The following MAPKAP1 variants were observed in gnomAD, a reference collection of about 807,000 sequenced individuals.
MAPKAP1 encodes target of rapamycin complex 2 subunit MAPKAP1.
MAPKAP1 carries 20 observed loss-of-function variants against 65.7 expected under a neutral mutation model. The observed-to-expected ratio is 0.30, with a 90% confidence interval of 0.21 to 0.44. The LOEUF (loss-of-function observed/expected upper bound fraction) is 0.44, where lower values mean the gene tolerates loss of function less well. Among genes scored for constraint, MAPKAP1 ranks in the 20% least tolerant of loss-of-function variants. MAPKAP1 has a pLI of 1.00. For missense variants in MAPKAP1, 423 were observed against 648.0 expected (o/e 0.65, Z 3.77); for synonymous variants, 222 against 244.3 (o/e 0.91, Z 0.85).
At chr9:125,692,697 G>A (rs1453806759) in intron 1 of MAPKAP1, among the ~76,000 whole-genome samples, 2 of 152,030 alleles carry the variant, frequency 1.3e-5, no homozygotes, top group African/African-American at 4.8e-5. Context: ...AACACAGGAA[G>A]GCTAGAATCC....
chr9:125,638,658 C>T (rs1305735430), intron 4 of MAPKAP1, among the ~76,000 whole-genome samples: 1 of 152,216 alleles, frequency 6.6e-6, no homozygotes, highest in Non-Finnish European at 1.5e-5. Flanking sequence ...AATTTGCTTA[C>T]TCTCACTCAT....
chr9:125,592,037 T>TTA (rs1831981838), intron 4 of MAPKAP1, among the ~76,000 whole-genome samples: 1 of 152,246 alleles, frequency 6.6e-6, no homozygotes, highest in Non-Finnish European at 1.5e-5. Context: ...GGAAACTGGC[T>TTA]TAGCTTTATG....
At chr9:125,531,650 T>C (rs1829936241) in intron 7 of MAPKAP1, among the ~76,000 whole-genome samples, 1 of 152,228 alleles carries the variant, frequency 6.6e-6, no homozygotes, top group East Asian at 1.9e-4. Flanking sequence ...TTTTTAATTT[T>C]TGTGAGTTTT....
In MAPKAP1 at chr9:125,484,462, G is replaced by A; in HGVS notation, c.1188C>T (p.Phe396=). ...FKVSMIHRLR[F]TTDVQLGISG... ...ACTTACCTAGCTGTACGTCGGTTGT[G>A]AATCGCAGTCTGTGGATCATGCTGA... Residue 396 remains phenylalanine (F), a synonymous_variant, in exon 9 of 12, where the codon TTC becomes TTT. Coordinates refer to ENST00000265960, the MANE Select transcript of MAPKAP1 (RefSeq NM_001006617.3). The A allele has an allele frequency of 6.2e-7, 1 of 1,611,820 alleles. No individual in the cohort carries two copies.
intron 4 of MAPKAP1, among the ~76,000 whole-genome samples, chr9:125,612,506 T>G (rs193029390): frequency 6.6e-6 from 1 of 152,242 alleles, no homozygotes; most frequent in Non-Finnish European, 1.5e-5. Flanking sequence ...TCAGTTGTTG[T>G]AGAACCACAA....
intron 10 of MAPKAP1, among the ~76,000 whole-genome samples, chr9:125,467,390 C>G (rs1277192511): frequency 1.3e-5 from 2 of 152,234 alleles, no homozygotes; most frequent in East Asian, 3.8e-4. Flanking sequence ...ACTGTATCTA[C>G]TTTGATAATT....
intron 2 of MAPKAP1, among the ~76,000 whole-genome samples, chr9:125,670,523 A>C (rs1834466533): frequency 6.6e-6 from 1 of 152,218 alleles, no homozygotes; most frequent in South Asian, 2.1e-4. Context: ...TTTTTCTTTT[A>C]CAAAATTTTA....
intron 6 of MAPKAP1, among the ~76,000 whole-genome samples, chr9:125,547,171 AG>A (rs1314145494): frequency 1.1e-4 from 17 of 152,280 alleles, no homozygotes; most frequent in Admixed American, 9.1e-4. Context: ...ACCCCAAAAA[AG>A]TTTGTATGCC....
chr9:125,490,379 A>G (rs1350383164), intron 8 of MAPKAP1, among the ~76,000 whole-genome samples: 1 of 152,122 alleles, frequency 6.6e-6, no homozygotes, highest in Non-Finnish European at 1.5e-5. Flanking sequence ...GTTTCTACTA[A>G]AAATACAAAA....
At chr9:125,619,661 C>T (rs887436876) in intron 4 of MAPKAP1, among the ~76,000 whole-genome samples, 2 of 151,512 alleles carry the variant, frequency 1.3e-5, no homozygotes, top group African/African-American at 4.9e-5. Context: ...AAAATAAGAC[C>T]TTATTTACAA....
intron 5 of MAPKAP1, among the ~76,000 whole-genome samples, chr9:125,584,366 T>C (rs540269029): frequency 1.1e-3 from 164 of 152,298 alleles, no homozygotes; most frequent in South Asian, 2.5e-3. Flanking sequence ...TTAATATACC[T>C]AAAGAAAAAT....
At chr9:125,475,814 C>G (rs1330016400) in intron 9 of MAPKAP1, among the ~76,000 whole-genome samples, 1 of 152,216 alleles carries the variant, frequency 6.6e-6, no homozygotes, top group African/African-American at 2.4e-5. Context: ...TAGGAAGCAG[C>G]AGGCCCTAAG....
chr9:125,595,779 G>A lies in MAPKAP1; in HGVS notation c.499-10052C>T, dbSNP rs1832106582. On this transcript the variant is annotated intron_variant, in intron 4 of 11. Transcript: ENST00000265960. The surrounding 1 kb of genome is among the most constrained non-coding windows in gnomAD (Gnocchi z 4.0). ...AAGAGGAGCCATTGTGAGCAATGGG[G>A]AACGCTCCCAGACTGTGTGGTAATG... 2 of 1,214,544 alleles carry A rather than the reference G, an allele frequency of 1.6e-6. No homozygotes were observed. Among genetic ancestry groups the A allele is most frequent in the South Asian group, 2.4e-5 (2 of 82,562 alleles). The allele number at this position is 1,214,544 out of a possible 1,614,324, so 75.2% of individuals were successfully genotyped here.
chr9:125,681,505 AAAGGAACCCTGATCCCTGGTTT>A (rs1313065365), intron 1 of MAPKAP1, among the ~76,000 whole-genome samples: 1 of 152,228 alleles, frequency 6.6e-6, no homozygotes, highest in East Asian at 1.9e-4. Context: ...TCCCTCAGAC[AAAGGAACCCTGATCCCTGGTTT>A]TCTTGTCTTA....
chr9:125,642,995 G>A (rs765227639), intron 4 of MAPKAP1, among the ~76,000 whole-genome samples: 1 of 151,878 alleles, frequency 6.6e-6, no homozygotes, highest in Non-Finnish European at 1.5e-5. Context: ...CTCCTCCCAG[G>A]TTCAAGCGAT....
rs760625981 is a variant in MAPKAP1 at position 125,541,825 on chromosome 9, C to T, written c.958+1234G>A. Reference sequence around the variant, plus strand: ...AATCAAGATTTATATGCATTGTTTCCTCTCCCAACTTGTGGGAAGATCATC... The same window carrying T: ...AATCAAGATTTATATGCATTGTTTCTTCTCCCAACTTGTGGGAAGATCATC... On this transcript the variant is annotated intron_variant, in intron 7 of 11. Transcript: ENST00000265960. Among the ~76,000 whole-genome samples the T allele has an allele frequency of 6.5e-4, 99 of 152,224 alleles. 1 individual carries two copies. Among genetic ancestry groups the T allele is most frequent in the Non-Finnish European group, 1.3e-4 (9 of 68,038 alleles).
At chr9:125,444,437 G>T in intron 11 of MAPKAP1, 64 bp downstream of exon 11, 1 of 1,306,786 alleles carries the variant, frequency 7.7e-7, no homozygotes, top group Non-Finnish European at 1.1e-6. Flanking sequence ...CGGCCATGCC[G>T]CAAACAGCCT....
At chr9:125,511,201 CAT>C (rs1829292170) in intron 7 of MAPKAP1, among the ~76,000 whole-genome samples, 1 of 150,448 alleles carries the variant, frequency 6.6e-6, no homozygotes, top group Non-Finnish European at 1.5e-5. Flanking sequence ...TCATCATCAT[CAT>C]CAGACTGTAA....
intron 7 of MAPKAP1, among the ~76,000 whole-genome samples, chr9:125,530,931 C>CAGT: frequency 6.6e-6 from 1 of 152,188 alleles, no homozygotes; most frequent in African/African-American, 2.4e-5. Context: ...CTACTATGGA[C>CAGT]TAAGTGTTTT....
Sources: gnomAD v4.1 joint callset for allele counts (sites outside exome capture counted in the v4.1 genomes callset) on GRCh38, gnomAD v4.1.1 for gene constraint, Gnocchi (gnomAD v3.1) non-coding constraint, MANE v1.5 for transcripts, NCBI Gene and HGNC (gene_info 2026-07-23, HGNC 2026-07-21) for gene names.